Variants in SIPA1L2 observed in about 807,000 individuals in gnomAD.
SIPA1L2 encodes signal-induced proliferation-associated 1-like protein 2.
A neutral mutation model predicts 163.9 loss-of-function variants in SIPA1L2; 56 were observed. That is an observed-to-expected ratio of 0.34 (90% CI 0.28 to 0.43). The LOEUF (loss-of-function observed/expected upper bound fraction) is 0.43. SIPA1L2 is among the 20% of genes least tolerant of loss of function. The probability of loss-of-function intolerance (pLI) is 1.00; values close to 1 mark genes in which losing one functional copy is unlikely to be tolerated. For synonymous variants in SIPA1L2, 877 were observed against 865.7 expected (o/e 1.01, Z -0.23); for missense variants, 1,974 against 2,193.5 (o/e 0.90, Z 2.00).
At chr1:232,480,438 G>A (rs1490251413) in intron 6 of SIPA1L2, among the ~76,000 whole-genome samples, 2 of 152,062 alleles carry the variant, frequency 1.3e-5, no homozygotes, top group Non-Finnish European at 2.9e-5. Context: ...AAAAAACTAT[G>A]ACATTTGAAC....
rs112841679 is a variant in SIPA1L2, at chr1:232,445,904, A to C, written c.3096-118T>G. 2.5e-4 allele frequency: 283 copies of C among 1,118,932 alleles called. No homozygotes were observed. In the African/African-American group the frequency reaches 4.0e-3, roughly 16 times the overall value. The allele number at this position is 1,118,932 out of a possible 1,614,324, so 69.3% of individuals were successfully genotyped here. ...ATGGTGTGTGCCTCTCCCGGCTCCAAGTCAATGATGCAGAGCGATCCACCC... is the reference window on the plus strand; with the variant it reads ...ATGGTGTGTGCCTCTCCCGGCTCCACGTCAATGATGCAGAGCGATCCACCC... On this transcript the variant is annotated intron_variant, in intron 10 of 22. Transcript: ENST00000674635.
At chr1:232,441,924 T>C (rs1248167727) in intron 12 of SIPA1L2, 56 bp from the exon 13 acceptor site, 3 of 1,443,862 alleles carry the variant, frequency 2.1e-6, no homozygotes, top group South Asian at 1.2e-5. Flanking sequence ...CCTGCCAGCA[T>C]GCACACGGGA....
At chr1:232,534,352 T>C (rs1657173910) in intron 2 of SIPA1L2, among the ~76,000 whole-genome samples, 1 of 152,212 alleles carries the variant, frequency 6.6e-6, no homozygotes, top group South Asian at 2.1e-4. Context: ...AAGCATGATG[T>C]TGGACCTTCA....
At chr1:232,434,280 G>A (rs537279594) in intron 15 of SIPA1L2, among the ~76,000 whole-genome samples, 1 of 152,294 alleles carries the variant, frequency 6.6e-6, no homozygotes, top group African/African-American at 2.4e-5. Flanking sequence ...AGGTTCAAGA[G>A]GAAATAAAGA....
At chr1:232,533,033 C>A (rs923818253) in intron 2 of SIPA1L2, among the ~76,000 whole-genome samples, 21 of 152,182 alleles carry the variant, frequency 1.4e-4, no homozygotes, top group Non-Finnish European at 2.9e-4. Flanking sequence ...GATTCTAGAA[C>A]TGACAGAGGG....
chr1:232,449,535 A>T (rs1663437410), intron 10 of SIPA1L2, among the ~76,000 whole-genome samples: 1 of 151,808 alleles, frequency 6.6e-6, no homozygotes, highest in African/African-American at 2.4e-5. Flanking sequence ...AAAAAAAAAA[A>T]AATTAAGGAA....
Position 232,403,556 on chromosome 1 carries a change from G to A in SIPA1L2, c.4832C>T (p.Ser1611Phe), listed in dbSNP as rs1660472016. Residue 1611 changes from serine (S) to phenylalanine (F), a missense_variant, in exon 21 of 23, where the codon TCC becomes TTC. Around this residue, in one of 3 missense-constraint regions of SIPA1L2, gnomAD observed 1,079 missense variants for 1,150.7 expected, o/e 0.94. Transcript: ENST00000674635. ...HTSYLDQRVA[S>F]FCTLTDMQHG... ...CTGCATATCTGTCAGGGTGCAGAAG[G>A]ATGCCACCCTCTGGTCTGGGGAGGG... 6.2e-7 allele frequency: 1 copy of A among 1,613,562 alleles called. No homozygotes were observed. Among genetic ancestry groups the A allele is most frequent in the South Asian group, 1.1e-5 (1 of 90,974 alleles).
At chr1:232,628,207 CTT>C (rs1663183398) in intron 1 of SIPA1L2, among the ~76,000 whole-genome samples, 1 of 152,164 alleles carries the variant, frequency 6.6e-6, no homozygotes, top group African/African-American at 2.4e-5. Flanking sequence ...CATAAAAGGG[CTT>C]GTGCTTAGAA....
chr1:232,598,984 C>T (rs1034907289), intron 1 of SIPA1L2, among the ~76,000 whole-genome samples: 1 of 92,514 alleles, frequency 1.1e-5, no homozygotes. Context: ...AAAAAAAAAA[C>T]TTCCAAATCC....
intron 9 of SIPA1L2, among the ~76,000 whole-genome samples, chr1:232,464,535 A>G (rs1398226670): frequency 6.6e-6 from 1 of 152,216 alleles, no homozygotes; most frequent in East Asian, 1.9e-4. Flanking sequence ...CTCCATAAAC[A>G]GACATTCTAC....
intron 1 of SIPA1L2, among the ~76,000 whole-genome samples, chr1:232,603,336 T>C (rs1259025391): frequency 6.6e-6 from 1 of 152,092 alleles, no homozygotes; most frequent in African/African-American, 2.4e-5. Context: ...CTGTGAAAGA[T>C]GCCACTTAGG....
At chr1:232,479,471 A>G (rs1049880509) in intron 7 of SIPA1L2, among the ~76,000 whole-genome samples, 156 bp downstream of exon 7, 3 of 152,202 alleles carry the variant, frequency 2.0e-5, no homozygotes, top group African/African-American at 7.2e-5. Context: ...TTAAAGCCCA[A>G]ATACTTCCAA....
At chr1:232,496,603 T>C (rs1013374028) in intron 3 of SIPA1L2, among the ~76,000 whole-genome samples, 3 of 149,496 alleles carry the variant, frequency 2.0e-5, no homozygotes, top group Admixed American at 1.3e-4. Context: ...TAAAAGTTAA[T>C]TGTCTACTTC....
chr1:232,564,149 C>CGTGTGTGTGTGT (rs560949113), intron 2 of SIPA1L2, among the ~76,000 whole-genome samples: 4 of 44,612 alleles, frequency 9.0e-5, no homozygotes, highest in African/African-American at 5.7e-4. Context: ...TTTTTTTTTT[C>CGTGTGTGTGTGT]GTGTGTGTGT....
intron 18 of SIPA1L2, among the ~76,000 whole-genome samples, chr1:232,417,126 T>C (rs1294559834): frequency 6.6e-6 from 1 of 152,180 alleles, no homozygotes; most frequent in Non-Finnish European, 1.5e-5. Flanking sequence ...CAAATGCACC[T>C]GTAATTTTTA....
intron 22 of SIPA1L2, among the ~76,000 whole-genome samples, chr1:232,400,321 C>T (rs1660260064): frequency 6.6e-6 from 1 of 152,178 alleles, no homozygotes; most frequent in South Asian, 2.1e-4. Context: ...TGCTGCGACT[C>T]GGCTGCCCAC....
At chr1:232,535,176 A>G (rs1159269111) in intron 2 of SIPA1L2, among the ~76,000 whole-genome samples, 1 of 152,216 alleles carries the variant, frequency 6.6e-6, no homozygotes, top group Non-Finnish European at 1.5e-5. Flanking sequence ...AACGGCTGAA[A>G]CATCAAGGAG....
intron 1 of SIPA1L2, among the ~76,000 whole-genome samples, chr1:232,580,515 C>T (rs1660319084): frequency 6.6e-6 from 1 of 152,142 alleles, no homozygotes. Context: ...AAATGCCTGA[C>T]AGGAGCATGG....
At chr1:232,592,358 CATCTCA>C (rs1162011949) in intron 1 of SIPA1L2, among the ~76,000 whole-genome samples, 1 of 152,204 alleles carries the variant, frequency 6.6e-6, no homozygotes, top group Non-Finnish European at 1.5e-5. Context: ...GAGGTAAACA[CATCTCA>C]ACTGGTATAG....
Sources: gnomAD v4.1 joint callset for allele counts (sites outside exome capture counted in the v4.1 genomes callset) on GRCh38, gnomAD v4.1.1 for gene constraint, gnomAD v4.1.1 regional missense constraint, MANE v1.5 for transcripts, NCBI Gene and HGNC (gene_info 2026-07-23, HGNC 2026-07-21) for gene names.